Variants in ABRAXAS1 observed in about 807,000 individuals in gnomAD.
ABRAXAS1 encodes the protein BRCA1-A complex subunit Abraxas 1.
A neutral mutation model predicts 38.4 loss-of-function variants in ABRAXAS1; 26 were observed. The observed-to-expected ratio is 0.68, with a 90% CI of 0.50 to 0.94. The LOEUF (loss-of-function observed/expected upper bound fraction) is 0.94, where lower values mean the gene tolerates loss of function less well. Among genes scored for constraint, ABRAXAS1 ranks in the 40% least tolerant of loss-of-function variants. The pLI, the probability that ABRAXAS1 is intolerant of heterozygous loss-of-function variation, is 0.00. For synonymous variants in ABRAXAS1, 144 were observed against 165.5 expected (o/e 0.87, Z 1.00); for missense variants, 438 against 481.9 (o/e 0.91, Z 0.85).
chr4:83,481,943 T>C (rs1387624260), intron 2 of ABRAXAS1, among the ~76,000 whole-genome samples: 2 of 152,150 alleles, frequency 1.3e-5, no homozygotes, highest in East Asian at 3.9e-4. Context: ...AGAGATGGGT[T>C]TCACCATGTT....
chr4:83,479,177 C>T (rs1565909), intron 2 of ABRAXAS1: 68,632 of 151,812 alleles, frequency 0.45, 16,661 homozygotes, highest in East Asian at 0.67. Context: ...CCAGGGCGGG[C>T]AGATCACCTG....
intron 2 of ABRAXAS1, among the ~76,000 whole-genome samples, chr4:83,477,285 C>T (rs1005424294): frequency 3.3e-5 from 5 of 151,624 alleles, no homozygotes; most frequent in African/African-American, 7.3e-5. Flanking sequence ...TTGGGCGGCA[C>T]GCTAATTTCA....
intron 3 of ABRAXAS1, 41 bp from the exon 4 acceptor site, chr4:83,472,329 A>T (rs1314283585): frequency 2.6e-6 from 3 of 1,167,932 alleles, no homozygotes; most frequent in Non-Finnish European, 2.4e-6. Flanking sequence ...ATACGCTAAA[A>T]ATATAAGTAA....
chr4:83,479,917 T>C (rs1446090771), intron 2 of ABRAXAS1: 1 of 153,230 alleles, frequency 6.5e-6, no homozygotes, highest in Non-Finnish European at 1.4e-5. Flanking sequence ...CCAGTGTTTG[T>C]GCCACTACAC....
In ABRAXAS1 at chr4:83,459,694, A is replaced by C; in HGVS notation, c.*2775T>G. 6.5e-7 allele frequency: 1 copy of C among 1,539,158 alleles called. No individual in the cohort carries two copies. ...TTTGAAATTTACACATTCAGAAATA[A>C]ATAACAGATACTTTTTTTTCCCCTC... On this transcript the variant is annotated 3_prime_UTR_variant, in exon 9 of 9. Transcript: ENST00000321945.
At chr4:83,483,338 C>T (rs555839634) in intron 1 of ABRAXAS1, among the ~76,000 whole-genome samples, 2 of 149,086 alleles carry the variant, frequency 1.3e-5, no homozygotes, top group South Asian at 4.2e-4. Context: ...TGGAGTGCAG[C>T]GGTGCAATCA....
chr4:83,475,958 T>A (rs982068571), intron 3 of ABRAXAS1, among the ~76,000 whole-genome samples: 10 of 152,136 alleles, frequency 6.6e-5, no homozygotes, highest in African/African-American at 2.4e-4. Flanking sequence ...TCCCAGTACT[T>A]TGGGAAGCAG....
At chr4:83,463,018 G>A (rs1319164863) in intron 8 of ABRAXAS1, 116 bp from the exon 9 acceptor site, 41 of 685,076 alleles carry the variant, frequency 6.0e-5, no homozygotes, top group African/African-American at 1.3e-4. Flanking sequence ...ATTATCTAAA[G>A]TGAGGATAAC....
Position 83,462,552 on chromosome 4 carries a change from A to G in ABRAXAS1, c.1147T>C (p.Ser383Pro). The change falls in exon 9 of 9, where the codon TCC (serine) becomes CCC (proline). Residue 383 changes from serine to proline, a missense_variant. Ser to Pro is a moderately conservative substitution (Grantham distance 74, BLOSUM62 -1). Transcript: ENST00000321945. ...TCTGTTTCTGGGCTGCTCATTTTGG[A>G]TGCTTTATCTTGGTTACTACTACCA... Reference protein sequence around the residue: ...DTGSSNQDKASKMSSPETDEE... With the variant: ...DTGSSNQDKAPKMSSPETDEE... 1 of 1,614,090 alleles carries G rather than the reference A, an allele frequency of 6.2e-7. No individual in the cohort carries two copies. The highest frequency in any genetic ancestry group is 1.1e-5 in the South Asian group (1 of 91,084).
chr4:83,482,067 T>C (rs2110049185), intron 2 of ABRAXAS1, 87 bp downstream of exon 2: 1 of 855,630 alleles, frequency 1.2e-6, no homozygotes. Context: ...AATTTAAAAA[T>C]AATAATTTAC....
At chr4:83,469,947 C>A in intron 5 of ABRAXAS1, 1 of 302,696 alleles carries the variant, frequency 3.3e-6, no homozygotes, top group Non-Finnish European at 6.0e-6. Flanking sequence ...AAGTTTTTTT[C>A]CACCTTAAGT....
intron 3 of ABRAXAS1, among the ~76,000 whole-genome samples, chr4:83,474,167 A>ATAAATAAG (rs2110042860): frequency 6.6e-6 from 1 of 151,374 alleles, no homozygotes; most frequent in Non-Finnish European, 1.5e-5. Context: ...AAATAAATAA[A>ATAAATAAG]TAAATAAATA....
chr4:83,459,821 A>G lies in ABRAXAS1; in HGVS notation c.*2648T>C, dbSNP rs1446279568. ...AGGTATGTTCTTTTTTATTATGGGA[A>G]TATAAATGTAGATACGAATTATATC... is the stretch of plus-strand genomic sequence containing the variant. On this transcript the variant is annotated 3_prime_UTR_variant, in exon 9 of 9. Coordinates refer to ENST00000321945, the MANE Select transcript of ABRAXAS1 (RefSeq NM_139076.3). 6 of 1,528,596 alleles carry G rather than the reference A, an allele frequency of 3.9e-6. No individual in the cohort carries two copies. Among genetic ancestry groups the G allele is most frequent in the Admixed American group, 3.7e-5 (2 of 54,086 alleles). 94.7% of individuals were successfully genotyped at this position (1,528,596 alleles called of 1,614,324 possible).
At chr4:83,481,308 CATTTT>C (rs1722993185) in intron 2 of ABRAXAS1, among the ~76,000 whole-genome samples, 1 of 152,078 alleles carries the variant, frequency 6.6e-6, no homozygotes, top group African/African-American at 2.4e-5. Context: ...ACTCCCTATA[CATTTT>C]ATTTCTTTTA....
chr4:83,479,086 G>A (rs932205735), intron 2 of ABRAXAS1: 1 of 152,150 alleles, frequency 6.6e-6, no homozygotes, highest in East Asian at 1.9e-4. Flanking sequence ...AAGATTAAAA[G>A]ATTTGATAAT....
intron 2 of ABRAXAS1, chr4:83,479,331 G>A (rs1325173116): frequency 1.4e-5 from 2 of 147,536 alleles, no homozygotes; most frequent in Non-Finnish European, 3.0e-5. Context: ...TTGAACCCGG[G>A]AAGCAGAGGT....
chr4:83,467,946 G>A (rs545956878), intron 6 of ABRAXAS1, among the ~76,000 whole-genome samples: 33 of 152,250 alleles, frequency 2.2e-4, no homozygotes, highest in African/African-American at 7.9e-4. Context: ...ATAAAATAAT[G>A]AAGAAAGTAA....
At position 83,462,224 on chromosome 4, in the gene ABRAXAS1, G is replaced by T; in HGVS notation, c.*245C>A. ...TTCCAATTCTAAAGAATGTGTCTGT[G>T]TAAGCCTTCCCCTCAACAACTTAGT... On this transcript the variant is annotated 3_prime_UTR_variant, in exon 9 of 9. Coordinates refer to ENST00000321945, the MANE Select transcript of ABRAXAS1 (RefSeq NM_139076.3). 2.2e-6 allele frequency: 1 copy of T among 458,892 alleles called. No homozygotes were observed. The allele number at this position is 458,892 out of a possible 1,614,324, so 28.4% of individuals were successfully genotyped here. A position where few individuals can be genotyped will look rare whatever the true frequency, so the allele number is the denominator to read the frequency against.
intron 3 of ABRAXAS1, 50 bp from the exon 4 acceptor site, chr4:83,472,338 A>AT: frequency 1.8e-6 from 2 of 1,108,804 alleles, no homozygotes; most frequent in Non-Finnish European, 2.5e-6. Flanking sequence ...AAATATAAGT[A>AT]ATTTTATTAG....
Sources: allele counts gnomAD v4.1 joint callset (sites outside exome capture counted in the v4.1 genomes callset), GRCh38; gene constraint gnomAD v4.1.1; transcripts MANE v1.5; gene names NCBI Gene and HGNC (gene_info 2026-07-23, HGNC 2026-07-21).